KCTD8: variants seen among roughly 807,000 people sequenced by gnomAD.
The protein encoded by KCTD8 is potassium channel tetramerization domain containing 8, also known as BTB/POZ domain-containing protein KCTD8.
KCTD8 carries 27 observed loss-of-function variants against 31.5 expected under a neutral mutation model. The ratio of observed to expected loss-of-function variants is 0.86; its 90% confidence interval spans 0.63 to 1.18. The LOEUF (loss-of-function observed/expected upper bound fraction) is 1.18, where lower values mean the gene tolerates loss of function less well. KCTD8 is among the 50% of genes most tolerant of loss of function. The pLI, the probability that KCTD8 is intolerant of heterozygous loss-of-function variation, is 0.00. For synonymous variants in KCTD8, 290 were observed against 280.0 expected (o/e 1.04, Z -0.36); for missense variants, 658 against 647.7 (o/e 1.02, Z -0.17).
chr4:44,442,768 A>G (rs911754340), intron 1 of KCTD8, among the ~76,000 whole-genome samples: 1 of 25,220 alleles, frequency 4.0e-5, no homozygotes, highest in Non-Finnish European at 9.6e-5. Flanking sequence ...TTTCTTAACT[A>G]AGGTATACAC....
chr4:44,420,638 C>T (rs768027859), intron 1 of KCTD8, among the ~76,000 whole-genome samples: 5 of 152,112 alleles, frequency 3.3e-5, no homozygotes, highest in South Asian at 2.1e-4. Flanking sequence ...GAGAGAGTGA[C>T]GTCCCTAGGA....
chr4:44,386,564 G>A (rs558941652), intron 1 of KCTD8, among the ~76,000 whole-genome samples: 30 of 149,560 alleles, frequency 2.0e-4, no homozygotes, highest in East Asian at 4.0e-4. Context: ...TCTCATGCCC[G>A]TTAAAATGGC....
intron 1 of KCTD8, among the ~76,000 whole-genome samples, chr4:44,284,118 A>G (rs1376272172): frequency 2.6e-5 from 4 of 151,830 alleles, no homozygotes; most frequent in African/African-American, 9.7e-5. Context: ...ACAGAATTCG[A>G]AAAAAAACTA....
At position 44,244,863 on chromosome 4, in the gene KCTD8, T is replaced by A. The variant is rs1306013992; in HGVS notation, c.962-69613A>T. Among the ~76,000 whole-genome samples, 10 of 149,706 alleles carry A rather than the reference T, an allele frequency of 6.7e-5. 1 individual carries two copies. Among genetic ancestry groups the A allele is most frequent in the African/African-American group, 2.2e-4 (9 of 40,888 alleles). Reference sequence around the variant, plus strand: ...CTGTAGTTGTGGGGGGGGGGGGGTCTTCATTTTGAAGGCTCCCATGATTAA... The same window carrying A: ...CTGTAGTTGTGGGGGGGGGGGGGTCATCATTTTGAAGGCTCCCATGATTAA... On this transcript the variant is annotated intron_variant, in intron 1 of 1. Coordinates refer to ENST00000360029, the MANE Select transcript of KCTD8 (RefSeq NM_198353.3).
chr4:44,447,966 C>T lies in KCTD8; in HGVS notation c.558G>A (p.Val186=), dbSNP rs1461876541. 6.5e-7 allele frequency: 1 copy of T among 1,529,416 alleles called. No individual in the cohort carries two copies. The highest frequency in any genetic ancestry group is 8.8e-7 in the Non-Finnish European group (1 of 1,136,930). 94.7% of individuals were successfully genotyped at this position (1,529,416 alleles called of 1,614,324 possible). A position where few individuals can be genotyped will look rare whatever the true frequency, so the allele number is the denominator to read the frequency against. ...CACCGTGCGCTCCCGGGCCCGAGGG[C>T]ACGGCGGCCGCCGCCCCGCGCAGCA... ...ALLLRGAAAA[V]PSGPGAHGGG... is the part of the protein sequence containing the mutation. Residue 186 remains valine, a synonymous_variant, in exon 1 of 2, where the codon GTG becomes GTA. Coordinates refer to ENST00000360029, the MANE Select transcript of KCTD8 (RefSeq NM_198353.3).
chr4:44,409,476 T>C (rs747656882), intron 1 of KCTD8, among the ~76,000 whole-genome samples: 5 of 152,110 alleles, frequency 3.3e-5, no homozygotes, highest in Non-Finnish European at 7.3e-5. Context: ...AGCATGGTGA[T>C]GGCCAGGTTG....
chr4:44,363,590 G>A (rs183071537), intron 1 of KCTD8, among the ~76,000 whole-genome samples: 4 of 152,264 alleles, frequency 2.6e-5, no homozygotes, highest in Admixed American at 1.3e-4. Context: ...GCACCAACTT[G>A]AGAGTAGTCC....
intron 1 of KCTD8, among the ~76,000 whole-genome samples, chr4:44,422,705 A>ATTT (rs1721244783): frequency 6.6e-6 from 1 of 152,084 alleles, no homozygotes; most frequent in Non-Finnish European, 1.5e-5. Context: ...AGATGGTTTA[A>ATTT]TTTGAACTAT....
intron 1 of KCTD8, among the ~76,000 whole-genome samples, chr4:44,332,562 C>T (rs563146663): frequency 3.3e-5 from 5 of 152,094 alleles, no homozygotes; most frequent in Admixed American, 1.3e-4. Flanking sequence ...CAGTACCTTA[C>T]ATTTATGTAC....
chr4:44,422,759 G>A (rs568469671), intron 1 of KCTD8, among the ~76,000 whole-genome samples: 1 of 152,128 alleles, frequency 6.6e-6, no homozygotes, highest in Admixed American at 6.6e-5. Flanking sequence ...GCAGTAGAAT[G>A]AGAATAACAA....
intron 1 of KCTD8, among the ~76,000 whole-genome samples, chr4:44,417,145 G>A (rs1244860243): frequency 6.6e-6 from 1 of 152,230 alleles, no homozygotes; most frequent in African/African-American, 2.4e-5. Context: ...GTTCTAAACT[G>A]TAACCATTGT....
chr4:44,330,177 G>A (rs2109411858), intron 1 of KCTD8, among the ~76,000 whole-genome samples: 1 of 151,932 alleles, frequency 6.6e-6, no homozygotes, highest in South Asian at 2.1e-4. Context: ...CTTTTGGTTA[G>A]TCTTATAGTC....
intron 1 of KCTD8, among the ~76,000 whole-genome samples, chr4:44,247,461 C>CGT (rs1006334401): frequency 1.3e-5 from 2 of 151,210 alleles, no homozygotes; most frequent in African/African-American, 2.4e-5. Context: ...TGTGTGTGTG[C>CGT]GTGTGTGTGT....
chr4:44,384,962 A>G (rs1219544371), intron 1 of KCTD8, among the ~76,000 whole-genome samples: 1 of 151,270 alleles, frequency 6.6e-6, no homozygotes, highest in East Asian at 1.9e-4. Flanking sequence ...TTTTAAAAAT[A>G]TAATAGATGA....
intron 1 of KCTD8, among the ~76,000 whole-genome samples, chr4:44,320,821 TA>T (rs35748647): frequency 0.066 from 9,024 of 136,164 alleles, 856 homozygotes; most frequent in African/African-American, 0.22. Flanking sequence ...TCCTGATTCT[TA>T]AAAAAAAAAA....
intron 1 of KCTD8, among the ~76,000 whole-genome samples, chr4:44,316,211 T>G (rs1718104244): frequency 6.6e-6 from 1 of 152,190 alleles, no homozygotes; most frequent in Admixed American, 6.5e-5. Context: ...ATATCTTAAC[T>G]ATGTTGATTT....
At chr4:44,186,896 CAG>C (rs1277507672) in intron 1 of KCTD8, among the ~76,000 whole-genome samples, 1 of 152,198 alleles carries the variant, frequency 6.6e-6, no homozygotes, top group East Asian at 1.9e-4. Context: ...TCTAAGCACA[CAG>C]GGGATTACTT....
intron 1 of KCTD8, among the ~76,000 whole-genome samples, chr4:44,397,358 T>A (rs1036171233): frequency 6.6e-6 from 1 of 152,282 alleles, no homozygotes; most frequent in East Asian, 1.9e-4. Context: ...ATACATTATG[T>A]TTATATGTAT....
At chr4:44,422,468 C>G (rs1464682059) in intron 1 of KCTD8, among the ~76,000 whole-genome samples, 1 of 151,990 alleles carries the variant, frequency 6.6e-6, no homozygotes, top group Admixed American at 6.6e-5. Context: ...CCTTCTCCCC[C>G]ATCTTTTATT....
Sources: gnomAD v4.1 joint callset for allele counts (sites outside exome capture counted in the v4.1 genomes callset) on GRCh38, gnomAD v4.1.1 for gene constraint, MANE v1.5 for transcripts, NCBI Gene and HGNC (gene_info 2026-07-23, HGNC 2026-07-21) for gene names.